Variants in ZMAT2 observed in about 807,000 individuals in gnomAD.
ZMAT2 encodes the protein zinc finger matrin-type 2.
Under a neutral mutation model 27.5 loss-of-function variants are expected in ZMAT2, and 5 were observed. The observed-to-expected ratio is 0.18, with a 90% CI of 0.10 to 0.38. ZMAT2 has a LOEUF of 0.38. Ranked by LOEUF, ZMAT2 falls within the 10% of genes least tolerant of loss-of-function variation. The pLI is 1.00. For synonymous variants in ZMAT2, 76 were observed against 78.6 expected (o/e 0.97, Z 0.17); for missense variants, 124 against 243.9 (o/e 0.51, Z 3.27).
intron 1 of ZMAT2, 128 bp from the exon 2 acceptor site, chr5:140,700,691 C>A: frequency 7.7e-7 from 1 of 1,291,088 alleles, no homozygotes; most frequent in South Asian, 1.4e-5. Flanking sequence ...CCTCAGTCTT[C>A]TCGTACAGTC....
At chr5:140,704,085 C>A in intron 4 of ZMAT2, 94 bp downstream of exon 4, 1 of 1,183,254 alleles carries the variant, frequency 8.5e-7, no homozygotes, top group Non-Finnish European at 1.2e-6. Context: ...TCTTTTTACT[C>A]ATCAAAAGAT....
intron 4 of ZMAT2, among the ~76,000 whole-genome samples, 165 bp downstream of exon 4, chr5:140,704,156 C>A (rs1299332117): frequency 6.6e-6 from 1 of 151,978 alleles, no homozygotes; most frequent in Admixed American, 6.5e-5. Flanking sequence ...TTAGAACTCT[C>A]CAGTTGTTTC....
intron 3 of ZMAT2, among the ~76,000 whole-genome samples, chr5:140,702,975 TAAC>T (rs1759991903): frequency 2.0e-5 from 3 of 152,330 alleles, no homozygotes; most frequent in Non-Finnish European, 4.4e-5. Context: ...TTATGTAAAT[TAAC>T]AAATTAACCT....
At chr5:140,703,626 A>T (rs1261248045) in intron 3 of ZMAT2, among the ~76,000 whole-genome samples, 1 of 152,198 alleles carries the variant, frequency 6.6e-6, no homozygotes, top group Non-Finnish European at 1.5e-5. Flanking sequence ...CATGGTTTTT[A>T]AAATAACCTA....
At chr5:140,703,241 C>CTT (rs34233013) in intron 3 of ZMAT2, among the ~76,000 whole-genome samples, 7 of 138,734 alleles carry the variant, frequency 5.0e-5, no homozygotes, top group Admixed American at 7.2e-5. Context: ...TTTTTCTTTT[C>CTT]TTTTTTTTTT....
intron 4 of ZMAT2, 58 bp downstream of exon 4, chr5:140,704,049 G>A (rs1390115767): frequency 1.4e-6 from 2 of 1,476,988 alleles, no homozygotes; most frequent in African/African-American, 2.8e-5. Flanking sequence ...AGGTGGGGTG[G>A]AATGGAAGGG....
At chr5:140,702,360 GCA>G (rs1293948414) in intron 3 of ZMAT2, among the ~76,000 whole-genome samples, 1 of 152,068 alleles carries the variant, frequency 6.6e-6, no homozygotes, top group Admixed American at 6.6e-5. Flanking sequence ...CATTGGCTGG[GCA>G]CAGTGGCTCA....
Position 140,700,943 on chromosome 5 carries a change from T to G in ZMAT2, c.112+31T>G, listed in dbSNP as rs921991357. The G allele has an allele frequency of 3.7e-6, 6 of 1,605,388 alleles. No individual in the cohort carries two copies. In the African/African-American group the frequency reaches 8.1e-5, roughly 22 times the overall value. The stretch of plus-strand genomic sequence containing the variant: ...TGCTAACTACATCAAGGGCTAAGGG[T>G]ATCACAGAGGCGATGCGATGATGGA... On this transcript the variant is annotated intron_variant, in intron 2 of 5. Coordinates refer to ENST00000274712, the MANE Select transcript of ZMAT2 (RefSeq NM_144723.3).
rs1760006190 is a variant in ZMAT2 at position 140,703,814 on chromosome 5, TAA to T, written c.237-103_237-102del. ...CTAAGGCTTTATAGAAATGAAGGCT[TAA>T]CACTTCTAAAAAGAAGTTTACCTAA... On this transcript the variant is annotated intron_variant, in intron 3 of 5. Coordinates refer to ENST00000274712, the MANE Select transcript of ZMAT2 (RefSeq NM_144723.3). 3.8e-6 allele frequency: 4 copies of T among 1,053,666 alleles called. No individual in the cohort carries two copies. In the Admixed American group the frequency reaches 5.4e-5, roughly 14 times the overall value. The allele number at this position is 1,053,666 out of a possible 1,614,324, so 65.3% of individuals were successfully genotyped here.
rs776448112 is a variant in ZMAT2, at chr5:140,700,483, GTGT to G, written c.18+9_18+11del. 1.8e-5 allele frequency: 29 copies of G among 1,613,010 alleles called. No homozygotes were observed. In the African/African-American group the frequency reaches 2.7e-4, roughly 15 times the overall value. ...AAGATGGCGTCGGGCAGCGGGGTAG[GTGT>G]TGTGTCTGAGGAGGAGGTTTTGCGG... On this transcript the variant is annotated splice_donor_region_variant and intron_variant, in intron 1 of 5. Coordinates refer to ENST00000274712, the MANE Select transcript of ZMAT2 (RefSeq NM_144723.3).
At position 140,705,627 on chromosome 5, in the gene ZMAT2, AG is replaced by A; in HGVS notation, c.472del (p.Ala158ArgfsTer18). ...TTTCCCTCCAGGAGGAAAAGGCCAA[AG>A]CGTACAAGAAAGAGAAACAGAAGGA... ...ELREEEEKAK[A>X]YKKEKQKEKK... On this transcript the variant is annotated frameshift_variant, in exon 6 of 6. Transcript: ENST00000274712. LOFTEE classifies it high-confidence loss of function. 1.9e-6 allele frequency: 3 copies of A among 1,613,688 alleles called. No homozygotes were observed. Among genetic ancestry groups the A allele is most frequent in the Non-Finnish European group, 2.5e-6 (3 of 1,179,782 alleles).
chr5:140,704,355 C>A, intron 4 of ZMAT2, 71 bp from the exon 5 acceptor site: 1 of 1,533,552 alleles, frequency 6.5e-7, no homozygotes. Context: ...TCAGAGAAGT[C>A]AGGAAAATAA....
At chr5:140,703,845 T>G in intron 3 of ZMAT2, 73 bp from the exon 4 acceptor site, 1 of 1,420,276 alleles carries the variant, frequency 7.0e-7, no homozygotes, top group South Asian at 1.2e-5. Flanking sequence ...TACCTAAAAA[T>G]TTGAGTTTCT....
chr5:140,701,993 C>A lies in ZMAT2; in HGVS notation c.113-13C>A, dbSNP rs1196959398. The stretch of plus-strand genomic sequence containing the variant: ...ATAATATTGAAGGGACTTCCTTCCC[C>A]ATTATGTTTCAGGAAAACCAGTGCA... On this transcript the variant is annotated splice_polypyrimidine_tract_variant and intron_variant, in intron 2 of 5. Coordinates refer to ENST00000274712, the MANE Select transcript of ZMAT2 (RefSeq NM_144723.3). 3.1e-6 allele frequency: 5 copies of A among 1,603,166 alleles called. No homozygotes were observed. Among genetic ancestry groups the A allele is most frequent in the Non-Finnish European group, 4.3e-6 (5 of 1,174,966 alleles).
intron 5 of ZMAT2, 106 bp downstream of exon 5, chr5:140,704,677 A>G (rs1760022844): frequency 1.6e-6 from 2 of 1,226,634 alleles, no homozygotes; most frequent in South Asian, 1.5e-5. Flanking sequence ...CCAGAGTTGT[A>G]TCTCCTGAGT....
chr5:140,703,481 G>A (rs1307613656), intron 3 of ZMAT2, among the ~76,000 whole-genome samples: 4 of 151,944 alleles, frequency 2.6e-5, no homozygotes, highest in Admixed American at 1.3e-4. Context: ...TGATCCGCCC[G>A]CCTCGGCCTC....
At position 140,700,698 on chromosome 5, in the gene ZMAT2, A is replaced by G. The variant is rs79536166; in HGVS notation, c.19-121A>G. ...TGAGGCTACCTCAGTCTTCTCGTAC[A>G]GTCCAAAGAGGCTTTGCTTTCAAAA... On this transcript the variant is annotated intron_variant, in intron 1 of 5. Transcript: ENST00000274712. 170 of 1,307,388 alleles carry G rather than the reference A, an allele frequency of 1.3e-4. No homozygotes were observed. In the African/African-American group the frequency reaches 2.4e-3, roughly 18 times the overall value. The allele number at this position is 1,307,388 out of a possible 1,614,324, so 81.0% of individuals were successfully genotyped here.
intron 3 of ZMAT2, 104 bp downstream of exon 3, chr5:140,702,233 G>A (rs1012969395): frequency 5.7e-5 from 80 of 1,394,302 alleles, no homozygotes; most frequent in Middle Eastern, 2.0e-4. Context: ...CCAGGATTAC[G>A]TCCTTCTTGC....
intron 2 of ZMAT2, 102 bp downstream of exon 2, chr5:140,701,014 C>T (rs1759951240): frequency 8.5e-7 from 1 of 1,174,692 alleles, no homozygotes; most frequent in Non-Finnish European, 1.2e-6. Context: ...GCGGTGTAAG[C>T]TCTGGCAGAG....
Sources: gnomAD v4.1 joint callset for allele counts (sites outside exome capture counted in the v4.1 genomes callset) on GRCh38, gnomAD v4.1.1 for gene constraint, MANE v1.5 for transcripts, NCBI Gene and HGNC (gene_info 2026-07-23, HGNC 2026-07-21) for gene names.